Variants in SEMA4G observed in about 807,000 individuals in gnomAD.
SEMA4G encodes the protein semaphorin 4G.
In SEMA4G, 59 loss-of-function variants were observed where a neutral mutation model predicts 81.2. The observed-to-expected ratio is 0.73, with a 90% CI of 0.59 to 0.90. The LOEUF (loss-of-function observed/expected upper bound fraction) is 0.90. Among genes scored for constraint, SEMA4G ranks in the 40% least tolerant of loss-of-function variants. SEMA4G has a pLI of 0.00. For synonymous variants in SEMA4G, 404 were observed against 433.9 expected, an observed-to-expected ratio of 0.93 and a Z score of 0.86; for missense variants, 952 against 1,102.3, an observed-to-expected ratio of 0.86 and a Z score of 1.93.
At chr10:100,981,729 G>C (rs1309842252) in intron 13 of SEMA4G, among the ~76,000 whole-genome samples, 1 of 152,174 alleles carries the variant, frequency 6.6e-6, no homozygotes, top group Non-Finnish European at 1.5e-5. Context: ...TAAGTAAATT[G>C]CTCAAACTTA....
At chr10:100,985,584 G>T (rs576811967), downstream of SEMA4G, 2 of 152,712 alleles carry the variant, frequency 1.3e-5, no homozygotes, top group East Asian at 3.9e-4. Context: ...TCCTCCCCCT[G>T]CCGTTGGTTA....
In SEMA4G at chr10:100,978,532, G is replaced by A. The variant is rs769114862; in HGVS notation, c.535G>A (p.Gly179Ser). The A allele has an allele frequency of 4.2e-5, 67 of 1,613,798 alleles. No homozygotes were observed. Among genetic ancestry groups the A allele is most frequent in the Admixed American group, 2.3e-4 (14 of 60,000 alleles). The change falls in exon 6 of 14, where the codon GGC becomes AGC. Residue 179 changes from glycine to serine, a missense_variant. Transcript: ENST00000370250. The stretch of plus-strand genomic sequence containing the variant: ...CTGGAATATCCCCACGCCAGATGGA[G>A]GCCTCTACACAGCCACTAGGTATGA...
At chr10:100,984,500 G>A (rs1191685942) in exon 14 of SEMA4G, 2 of 1,535,006 alleles carry the variant, frequency 1.3e-6, no homozygotes, top group Non-Finnish European at 1.7e-6. Context: ...GCAGGGCTCT[G>A]CAGGTCCATA....
At chr10:100,978,266 C>A (rs748118496) in intron 4 of SEMA4G, 29 bp from the exon 6 acceptor site, 3 of 1,574,654 alleles carry the variant, frequency 1.9e-6, no homozygotes, top group South Asian at 2.3e-5. Flanking sequence ...GTCTTCGGAA[C>A]CACTTACTGC....
chr10:100,973,251 G>T lies in SEMA4G; in HGVS notation c.247G>T (p.Asp83Tyr). The T allele has an allele frequency of 5.6e-6, 9 of 1,613,248 alleles. No homozygotes were observed. The highest frequency in any genetic ancestry group is 7.6e-6 in the Non-Finnish European group (9 of 1,180,014). The change falls in exon 2 of 14, where the codon GAC (aspartate) becomes TAC (tyrosine). Residue 83 changes from aspartate (D) to tyrosine (Y), a missense_variant. By Grantham distance (160) the Asp-to-Tyr change is radical. This residue lies in a region of SEMA4G where 436 missense variants were observed against 488.2 expected (regional missense o/e 0.89). Transcript: ENST00000370250. The surrounding 1 kb of genome is among the most constrained non-coding windows in gnomAD (Gnocchi z 5.5). ...TGCCCTGTTCTCTCTCAGTGCCAAC[G>T]ACATAGGAGATGGGGCTCACAAAGA...
intron 8 of SEMA4G, 115 bp downstream of exon 9, chr10:100,979,386 ATTT>A (rs35784439): frequency 1.5e-5 from 22 of 1,465,194 alleles, no homozygotes; most frequent in South Asian, 7.4e-5. Flanking sequence ...CAAAGTGAGA[ATTT>A]TTTTTTTTTT....
At chr10:100,982,575 T>A (rs148781047) in intron 13 of SEMA4G, among the ~76,000 whole-genome samples, 13 of 152,302 alleles carry the variant, frequency 8.5e-5, no homozygotes, top group Non-Finnish European at 1.5e-4. Flanking sequence ...GTGGATCACT[T>A]GAGGTCAGGA....
In SEMA4G at chr10:100,973,493, T is replaced by C. The variant is rs1850692667; in HGVS notation, c.274-54T>C. The C allele has an allele frequency of 6.4e-7, 1 of 1,566,752 alleles. No individual in the cohort carries two copies. The highest frequency in any genetic ancestry group is 2.2e-5 in the East Asian group (1 of 44,654). On this transcript the variant is annotated intron_variant, in intron 2 of 13. Coordinates refer to ENST00000370250, the Ensembl canonical transcript of SEMA4G. This position sits in a 1 kb window ranked among gnomAD's most constrained non-coding sequence, Gnocchi z 5.5. ...TGTGGGGTCCTATTGCCTGGTCCTA[T>C]GAGTAATAGGTATTGGGGTCAGTGC...
downstream of SEMA4G, chr10:100,985,363 C>T (rs1851394479): frequency 6.4e-6 from 1 of 156,202 alleles, no homozygotes; most frequent in South Asian, 2.1e-4. Flanking sequence ...ACTGAGCTCC[C>T]CCATTCCCCT....
chr10:100,971,752 G>T (rs1384045110), upstream of SEMA4G, among the ~76,000 whole-genome samples: 1 of 152,158 alleles, frequency 6.6e-6, no homozygotes, highest in Non-Finnish European at 1.5e-5. Flanking sequence ...ATCCCCAACT[G>T]GTTGGCTTGA....
At chr10:100,983,525 T>C (rs754482102) in exon 14 of SEMA4G, 1 of 1,614,000 alleles carries the variant, frequency 6.2e-7, no homozygotes, top group East Asian at 2.2e-5. Flanking sequence ...CCGAGGAAAA[T>C]GGCCTCCGCA....
chr10:100,978,862 G>A, exon 7 of SEMA4G: 1 of 1,614,022 alleles, frequency 6.2e-7, no homozygotes, highest in East Asian at 2.2e-5. Context: ...CGGAGTTTGT[G>A]TTCTCCGTCC....
chr10:100,977,358 A>G lies in SEMA4G; in HGVS notation c.337-274A>G, dbSNP rs74402216. ...TGGAATCCCTGGGAGCTCTTGAACC[A>G]GAGGTGGAGGGAACTGCAAGAGACA... On this transcript the variant is annotated intron_variant, in intron 3 of 13. Coordinates refer to ENST00000370250, the Ensembl canonical transcript of SEMA4G. Among the ~76,000 whole-genome samples, 392 of 152,330 alleles carry G rather than the reference A, an allele frequency of 2.6e-3. 9 individuals are homozygous for G. The highest frequency in any genetic ancestry group is 0.024 in the East Asian group (125 of 5,184).
downstream of SEMA4G, chr10:100,984,847 T>C (rs1342914307): frequency 1.3e-6 from 2 of 1,503,516 alleles, no homozygotes; most frequent in East Asian, 4.9e-5. Context: ...TGTGTGGCCC[T>C]TGTGAATCAG....
rs759419208 is a variant in SEMA4G, at chr10:100,973,530, C to T, written c.274-17C>T. 6.8e-6 allele frequency: 11 copies of T among 1,613,438 alleles called. No homozygotes were observed. In the South Asian group the frequency reaches 1.2e-4, roughly 18 times the overall value. On this transcript the variant is annotated splice_polypyrimidine_tract_variant and intron_variant, in intron 2 of 13. Coordinates refer to ENST00000370250, the Ensembl canonical transcript of SEMA4G. The surrounding 1 kb of genome is among the most constrained non-coding windows in gnomAD (Gnocchi z 5.5). ...ATTGGGGTCAGTGCATCAGCCTATT[C>T]CCTTTGCCTCCACTAGATCCACTGG...
chr10:100,978,475 G>A, intron 5 of SEMA4G, 52 bp from the exon 7 acceptor site: 2 of 1,590,630 alleles, frequency 1.3e-6, no homozygotes, highest in South Asian at 2.2e-5. Flanking sequence ...TATATGTCAT[G>A]TGCCCTGTTG....
intron 13 of SEMA4G, 130 bp downstream of exon 14, chr10:100,981,359 CAG>C: frequency 6.2e-7 from 1 of 1,607,774 alleles, no homozygotes; most frequent in East Asian, 2.2e-5. Context: ...GACTCAAACA[CAG>C]AGCCTGGCAC....
At chr10:100,971,113 AACATGTGTGTGTGTGTG>A (rs1850619664), upstream of SEMA4G, among the ~76,000 whole-genome samples, 2 of 64,328 alleles carry the variant, frequency 3.1e-5, no homozygotes, top group Non-Finnish European at 6.6e-5. Context: ...CCTCCTTGTG[AACATGTGTGTGTGTGTG>A]TGTGTGCACC....
In SEMA4G at chr10:100,973,660, C is replaced by A; in HGVS notation, c.336+51C>A. The A allele has an allele frequency of 6.5e-7, 1 of 1,533,994 alleles. No individual in the cohort carries two copies. The highest frequency in any genetic ancestry group is 9.0e-7 in the Non-Finnish European group (1 of 1,112,082). ...TCCTTTCCTCCCCTTCTTCCTCAATCAGGGATGCCAGGATTGTTGGGGACA... is the reference window on the plus strand; with the variant it reads ...TCCTTTCCTCCCCTTCTTCCTCAATAAGGGATGCCAGGATTGTTGGGGACA... On this transcript the variant is annotated intron_variant, in intron 3 of 13. Transcript: ENST00000370250. The surrounding 1 kb of genome is among the most constrained non-coding windows in gnomAD (Gnocchi z 5.5).
Sources: allele counts gnomAD v4.1 joint callset (sites outside exome capture counted in the v4.1 genomes callset), GRCh38; gene constraint gnomAD v4.1.1; regional missense constraint gnomAD v4.1.1; non-coding constraint Gnocchi (gnomAD v3.1); transcripts MANE v1.5; gene names NCBI Gene and HGNC (gene_info 2026-07-23, HGNC 2026-07-21).